CFH: variants seen among roughly 807,000 people sequenced by gnomAD.
CFH encodes the protein complement factor H, also known as H factor 1 (complement).
CFH carries 53 observed loss-of-function variants against 147.3 expected under a neutral mutation model. The ratio of observed to expected loss-of-function variants is 0.36; its 90% CI spans 0.29 to 0.45. The LOEUF is 0.45. Among genes scored for constraint, CFH ranks in the 20% least tolerant of loss-of-function variants. The pLI, the probability that CFH is intolerant of heterozygous loss-of-function variation, is 1.00. For synonymous variants in CFH, 536 were observed against 489.4 expected (o/e 1.10, Z -1.26); for missense variants, 1,380 against 1,498.0 (o/e 0.92, Z 1.30).
intron 11 of CFH, among the ~76,000 whole-genome samples, chr1:196,719,052 CTT>C (rs1668937732): frequency 1.3e-5 from 2 of 151,922 alleles, no homozygotes; most frequent in Admixed American, 1.3e-4. Flanking sequence ...TTATGGAGCA[CTT>C]AAGCTAAATA....
At chr1:196,677,764 A>C in intron 5 of CFH, 97 bp downstream of exon 5, 1 of 1,158,260 alleles carries the variant, frequency 8.6e-7, no homozygotes, top group South Asian at 1.3e-5. Context: ...AATATTAACA[A>C]TAGCTAATGT....
At chr1:196,680,014 C>T (rs1002410379) in intron 6 of CFH, among the ~76,000 whole-genome samples, 1 of 151,736 alleles carries the variant, frequency 6.6e-6, no homozygotes, top group African/African-American at 2.4e-5. Context: ...CAGAAAAGTT[C>T]AGTAGCTTAT....
intron 7 of CFH, among the ~76,000 whole-genome samples, chr1:196,686,075 C>CT (rs1420304910): frequency 1.3e-5 from 2 of 151,990 alleles, no homozygotes; most frequent in African/African-American, 4.8e-5. Flanking sequence ...GGGGAAAGTG[C>CT]TACACACTTT....
At chr1:196,678,807 CTGA>C (rs1203556634) in intron 5 of CFH, 1 of 152,084 alleles carries the variant, frequency 6.6e-6, no homozygotes, top group Non-Finnish European at 1.5e-5. Context: ...TGAAGCACCA[CTGA>C]TTCTTGTCCA....
intron 11 of CFH, among the ~76,000 whole-genome samples, chr1:196,722,065 A>G (rs1230392732): frequency 1.3e-5 from 2 of 151,912 alleles, no homozygotes; most frequent in Non-Finnish European, 2.9e-5. Flanking sequence ...TTGTCATGTG[A>G]GGTTTTGTTC....
intron 11 of CFH, among the ~76,000 whole-genome samples, chr1:196,724,344 C>T (rs886795087): frequency 5.9e-5 from 9 of 152,014 alleles, no homozygotes; most frequent in African/African-American, 2.2e-4. Flanking sequence ...AGGCATGAAA[C>T]CTACCACTGC....
chr1:196,736,720 T>C, intron 15 of CFH, 104 bp from the exon 16 acceptor site: 1 of 464,990 alleles, frequency 2.2e-6, no homozygotes, highest in Non-Finnish European at 3.1e-6. Flanking sequence ...TTCTATTTAT[T>C]CTATTTTAAT....
chr1:196,746,040 G>A (rs1158974536), intron 21 of CFH, 41 bp downstream of exon 21: 5 of 1,613,726 alleles, frequency 3.1e-6, no homozygotes, highest in African/African-American at 2.7e-5. Context: ...AAATCTCTGT[G>A]ATGAGTCTGA....
intron 17 of CFH, among the ~76,000 whole-genome samples, chr1:196,739,249 C>T (rs1652713895): frequency 6.6e-6 from 1 of 152,186 alleles, no homozygotes; most frequent in Admixed American, 6.5e-5. Context: ...TCCCCATTGT[C>T]TTGGTGATTA....
intron 5 of CFH, chr1:196,677,898 T>A: frequency 2.0e-6 from 1 of 490,748 alleles, no homozygotes; most frequent in South Asian, 2.1e-5. Context: ...TGGAAGAGAC[T>A]GGTGCAAAGA....
Position 196,713,771 on chromosome 1 carries a change from G to T in CFH, c.1373G>T (p.Gly458Val). 2 of 1,600,902 alleles carry T rather than the reference G, an allele frequency of 1.2e-6. No individual in the cohort carries two copies. Among genetic ancestry groups the T allele is most frequent in the Non-Finnish European group, 1.7e-6 (2 of 1,169,002 alleles). ...AAATCAAGTATAGATATTGAGAATG[G>T]GTTTATTTCTGAATCTCAGTATACA... ...CSKSSIDIEN[G>V]FISESQYTYA... The change falls in exon 10 of 22, where the codon GGG becomes GTG. Residue 458 changes from glycine to valine, a missense_variant. Physicochemically the swap from Gly to Val is moderately radical, Grantham distance 109 (BLOSUM62 -3). Coordinates refer to ENST00000367429, the MANE Select transcript of CFH (RefSeq NM_000186.4).
chr1:196,675,730 A>G (rs1667431752), intron 3 of CFH, among the ~76,000 whole-genome samples: 1 of 152,114 alleles, frequency 6.6e-6, no homozygotes, highest in Admixed American at 6.6e-5. Flanking sequence ...AGATAAAGGG[A>G]GAGAGAGGTT....
chr1:196,713,287 C>T (rs1668766867), intron 9 of CFH, among the ~76,000 whole-genome samples: 1 of 152,078 alleles, frequency 6.6e-6, no homozygotes, highest in South Asian at 2.1e-4. Context: ...ATTCTTGGAG[C>T]CAAAGGCTAT....
chr1:196,692,780 TTCTTTCTTTCTTTCTTTC>T (rs1668097794), intron 9 of CFH, among the ~76,000 whole-genome samples: 1 of 113,166 alleles, frequency 8.8e-6, no homozygotes, highest in Non-Finnish European at 1.8e-5. Context: ...CTTTCTTTCT[TTCTTTCTTTCTTTCTTTC>T]TTTCTTTCTT....
At chr1:196,668,027 A>G (rs1363113803) in intron 1 of CFH, among the ~76,000 whole-genome samples, 5 of 152,172 alleles carry the variant, frequency 3.3e-5, no homozygotes, top group African/African-American at 4.8e-5. Context: ...TATTAAAAAC[A>G]CTATTAAACA....
At chr1:196,692,205 C>T (rs968426587) in intron 9 of CFH, among the ~76,000 whole-genome samples, 5 of 152,150 alleles carry the variant, frequency 3.3e-5, no homozygotes. Flanking sequence ...TCTCGCCTCG[C>T]TGCAACCTCC....
intron 9 of CFH, among the ~76,000 whole-genome samples, chr1:196,708,302 A>T (rs899397278): frequency 6.6e-6 from 1 of 152,168 alleles, no homozygotes; most frequent in Non-Finnish European, 1.5e-5. Flanking sequence ...GGATGTTCCA[A>T]ATATGACTAC....
intron 11 of CFH, among the ~76,000 whole-genome samples, chr1:196,722,857 A>G (rs1669032598): frequency 6.6e-6 from 1 of 152,042 alleles, no homozygotes; most frequent in South Asian, 2.1e-4. Context: ...TTTCTGCTTG[A>G]TGTAATCTGT....
At chr1:196,697,336 G>C (rs1369753875) in intron 9 of CFH, among the ~76,000 whole-genome samples, 12 of 152,300 alleles carry the variant, frequency 7.9e-5, no homozygotes, top group Admixed American at 7.8e-4. Context: ...CCATCAAAAA[G>C]TGGGTGAAGG....
Sources: allele counts gnomAD v4.1 joint callset (sites outside exome capture counted in the v4.1 genomes callset), GRCh38; gene constraint gnomAD v4.1.1; transcripts MANE v1.5; gene names NCBI Gene and HGNC (gene_info 2026-07-23, HGNC 2026-07-21).